PCNX2: variants seen among roughly 807,000 people sequenced by gnomAD.
PCNX2 encodes the protein pecanex-like protein 2.
Under a neutral mutation model 223.8 loss-of-function variants are expected in PCNX2, and 168 were observed. That is an observed-to-expected ratio of 0.75 (90% confidence interval 0.66 to 0.85). The LOEUF is 0.85. Among genes scored for constraint, PCNX2 ranks in the 40% least tolerant of loss-of-function variants. The pLI, the probability that PCNX2 is intolerant of heterozygous loss-of-function variation, is 0.00. For synonymous variants in PCNX2, 1,006 were observed against 1,052.6 expected (o/e 0.96, Z 0.86); for missense variants, 2,507 against 2,675.5 (o/e 0.94, Z 1.39).
chr1:233,102,263 C>A (rs1231127189), intron 21 of PCNX2, among the ~76,000 whole-genome samples: 1 of 151,962 alleles, frequency 6.6e-6, no homozygotes, highest in African/African-American at 2.4e-5. Flanking sequence ...TACACGGTTT[C>A]TTTATCCATT....
intron 10 of PCNX2, among the ~76,000 whole-genome samples, chr1:233,221,723 A>T (rs1657390449): frequency 6.6e-6 from 1 of 152,152 alleles, no homozygotes; most frequent in South Asian, 2.1e-4. Flanking sequence ...ATAGGAAAGG[A>T]CCCCTGACTC....
intron 32 of PCNX2, among the ~76,000 whole-genome samples, chr1:232,994,537 G>A (rs942800120): frequency 1.3e-5 from 2 of 152,212 alleles, no homozygotes; most frequent in Non-Finnish European, 2.9e-5. Context: ...TTGGACTTTT[G>A]AGTTAATGTT....
chr1:233,054,664 T>C, intron 24 of PCNX2, 181 bp from the exon 25 acceptor site: 1 of 559,156 alleles, frequency 1.8e-6, no homozygotes, highest in South Asian at 2.4e-5. Flanking sequence ...ATTTTTTCCC[T>C]CAATATTCTC....
At chr1:233,132,039 C>T (rs973104585) in intron 21 of PCNX2, among the ~76,000 whole-genome samples, 33 of 151,802 alleles carry the variant, frequency 2.2e-4, no homozygotes, top group African/African-American at 7.7e-4. Context: ...CAGGTTCAAG[C>T]GATTCTCCTG....
intron 13 of PCNX2, 88 bp from the exon 14 acceptor site, chr1:233,200,352 A>AACC: frequency 1.2e-6 from 1 of 804,234 alleles, no homozygotes; most frequent in East Asian, 3.2e-5. Context: ...TCCCCTTCCA[A>AACC]ACCACCCCAC....
intron 13 of PCNX2, among the ~76,000 whole-genome samples, chr1:233,205,797 G>A (rs939765227): frequency 2.0e-5 from 3 of 152,202 alleles, no homozygotes; most frequent in Non-Finnish European, 4.4e-5. Flanking sequence ...GCCAGACACT[G>A]CTAAGGATTG....
At chr1:233,250,467 G>A (rs1572152160) in intron 8 of PCNX2, 3 of 788,196 alleles carry the variant, frequency 3.8e-6, no homozygotes, top group South Asian at 1.2e-4. Context: ...TTCTTGAAGA[G>A]AACATTATTA....
chr1:233,278,356 C>T (rs775743600), intron 1 of PCNX2, among the ~76,000 whole-genome samples: 30 of 152,182 alleles, frequency 2.0e-4, no homozygotes, highest in Admixed American at 3.3e-4. Flanking sequence ...CATCAGGGCC[C>T]CCAATCTGGG....
intron 25 of PCNX2, among the ~76,000 whole-genome samples, chr1:233,035,355 T>C (rs1340851055): frequency 1.3e-5 from 2 of 152,196 alleles, no homozygotes. Flanking sequence ...ACTGGATTCA[T>C]AAAAAAATCC....
At chr1:233,314,031 C>G in the PCNX2 span, among the ~76,000 whole-genome samples, 1 of 152,154 alleles carries the variant, frequency 6.6e-6, no homozygotes, top group Non-Finnish European at 1.5e-5. Flanking sequence ...TATGCAGGCA[C>G]TTGTGCAAAT....
chr1:233,162,163 G>T lies in PCNX2; in HGVS notation c.3274-800C>A, dbSNP rs1007394188. 3.6e-4 allele frequency among the ~76,000 whole-genome samples: 55 copies of T among 152,132 alleles called. 3 individuals carry two copies. Among genetic ancestry groups the T allele is most frequent in the Non-Finnish European group, 4.4e-5 (3 of 68,018 alleles). ...AAGCAAAGTTCAGCCTGAGAATGCT[G>T]TGAATGCAGATAGATGGAGAATGGC... On this transcript the variant is annotated intron_variant, in intron 17 of 33. Coordinates refer to ENST00000258229, the MANE Select transcript of PCNX2 (RefSeq NM_014801.4).
chr1:233,151,824 G>A (rs1677828540), intron 19 of PCNX2, among the ~76,000 whole-genome samples: 1 of 152,154 alleles, frequency 6.6e-6, no homozygotes, highest in Non-Finnish European at 1.5e-5. Context: ...ATAGGCACCT[G>A]CTACCATGCC....
chr1:233,227,094 T>C (rs143590741), intron 10 of PCNX2, 132 bp downstream of exon 10: 1 of 1,074,656 alleles, frequency 9.3e-7, no homozygotes, highest in East Asian at 2.8e-5. Flanking sequence ...GCTTTAACTT[T>C]GGGTTGTCAG....
At chr1:233,087,661 T>C (rs1379646283) in intron 23 of PCNX2, among the ~76,000 whole-genome samples, 2 of 152,200 alleles carry the variant, frequency 1.3e-5, no homozygotes, top group Non-Finnish European at 2.9e-5. Context: ...CTGTTGTGAT[T>C]TCCCTCGACT....
chr1:233,255,964 C>A (rs1257327248), intron 5 of PCNX2, among the ~76,000 whole-genome samples: 2 of 152,134 alleles, frequency 1.3e-5, no homozygotes, highest in African/African-American at 2.4e-5. Context: ...ACGTTGATGG[C>A]CTTCTACGAG....
At chr1:233,150,597 G>A (rs1314829220) in intron 19 of PCNX2, among the ~76,000 whole-genome samples, 1 of 152,070 alleles carries the variant, frequency 6.6e-6, no homozygotes, top group Non-Finnish European at 1.5e-5. Context: ...GATATAACTT[G>A]ACCTACATTT....
the PCNX2 span, among the ~76,000 whole-genome samples, chr1:233,318,666 A>G: frequency 6.9e-6 from 1 of 145,362 alleles, no homozygotes; most frequent in Non-Finnish European, 1.5e-5. Flanking sequence ...GCCCAGGTTC[A>G]AGTGATTCTC....
intron 16 of PCNX2, 123 bp from the exon 17 acceptor site, chr1:233,178,021 A>C: frequency 1.6e-5 from 11 of 692,336 alleles, no homozygotes; most frequent in Non-Finnish European, 2.7e-5. Context: ...TCATTTAAAA[A>C]TTTATAATAA....
intron 26 of PCNX2, among the ~76,000 whole-genome samples, chr1:233,018,474 C>T (rs1670762222): frequency 6.6e-6 from 1 of 152,098 alleles, no homozygotes; most frequent in African/African-American, 2.4e-5. Flanking sequence ...CTTATGAGTC[C>T]CACTTGGGGA....
Sources: gnomAD v4.1 joint callset for allele counts (sites outside exome capture counted in the v4.1 genomes callset) on GRCh38, gnomAD v4.1.1 for gene constraint, MANE v1.5 for transcripts, NCBI Gene and HGNC (gene_info 2026-07-23, HGNC 2026-07-21) for gene names.